The following MCM9 variants were observed in gnomAD, a reference collection of about 807,000 sequenced individuals.
The protein encoded by MCM9 is minichromosome maintenance 9 homologous recombination repair factor.
Under a neutral mutation model 72.8 loss-of-function variants are expected in MCM9, and 55 were observed. The ratio of observed to expected loss-of-function variants is 0.76; its 90% CI spans 0.61 to 0.95. The LOEUF (loss-of-function observed/expected upper bound fraction) is 0.95, where lower values mean the gene tolerates loss of function less well. Among genes scored for constraint, MCM9 ranks in the 40% least tolerant of loss-of-function variants. The pLI is 0.00. For missense variants in MCM9, 1,279 were observed against 1,377.0 expected (o/e 0.93, Z 1.13); for synonymous variants, 480 against 503.4 (o/e 0.95, Z 0.62).
At chr6:118,836,539 T>G (rs1458936920) in intron 9 of MCM9, among the ~76,000 whole-genome samples, 1 of 152,250 alleles carries the variant, frequency 6.6e-6, no homozygotes, top group African/African-American at 2.4e-5. Flanking sequence ...TATTGGTCTA[T>G]TCAGGTATTC....
intron 8 of MCM9, among the ~76,000 whole-genome samples, chr6:118,864,940 G>A (rs926433057): frequency 3.9e-5 from 6 of 151,952 alleles, no homozygotes; most frequent in African/African-American, 1.5e-4. Flanking sequence ...CTACATGCCT[G>A]CTTGTCTTCT....
intron 8 of MCM9, among the ~76,000 whole-genome samples, chr6:118,867,871 T>C (rs1179746873): frequency 4.4e-5 from 3 of 67,546 alleles, no homozygotes; most frequent in South Asian, 7.3e-4. Context: ...TATTTCTTTT[T>C]TCTTTTTCTT....
chr6:118,860,635 A>G (rs1776841613), intron 8 of MCM9, among the ~76,000 whole-genome samples: 2 of 152,172 alleles, frequency 1.3e-5, no homozygotes, highest in Admixed American at 1.3e-4. Context: ...TGAATGCCCA[A>G]GAAAACCCTA....
chr6:118,863,042 G>A (rs1313179313), intron 8 of MCM9, among the ~76,000 whole-genome samples: 1 of 152,122 alleles, frequency 6.6e-6, no homozygotes, highest in Admixed American at 6.5e-5. Context: ...GATCTATACA[G>A]AGAAAAGTAG....
intron 9 of MCM9, among the ~76,000 whole-genome samples, chr6:118,848,994 G>A (rs529049511): frequency 6.6e-6 from 1 of 151,450 alleles, no homozygotes; most frequent in South Asian, 2.1e-4. Context: ...TAAAACCGTT[G>A]ACACCAAGCA....
At position 118,931,531 on chromosome 6, in the gene MCM9, C is replaced by G; in HGVS notation, c.193G>C (p.Val65Leu). Residue 65 changes from valine to leucine, a missense_variant, in exon 3 of 14, where the codon GTG becomes CTG. Coordinates refer to ENST00000619706, the MANE Select transcript of MCM9 (RefSeq NM_017696.3). ...AGTGCACTATCAAAAATTGTAAGCA[C>G]TTCACTGGGGAACATGTTGAAATAT... ...GEYFNMFPSEVLTIFDSALRR... is the reference protein window; with the variant it reads ...GEYFNMFPSELLTIFDSALRR... 2 of 1,614,144 alleles carry G rather than the reference C, an allele frequency of 1.2e-6. No homozygotes were observed. Among genetic ancestry groups the G allele is most frequent in the Non-Finnish European group, 1.7e-6 (2 of 1,180,022 alleles).
At chr6:118,911,402 A>C in intron 8 of MCM9, 1 of 1,218,960 alleles carries the variant, frequency 8.2e-7, no homozygotes, top group Non-Finnish European at 1.0e-6. Flanking sequence ...TAAAAGTATG[A>C]AGGTAATCAC....
chr6:118,902,415 A>G (rs1023486323), intron 8 of MCM9, among the ~76,000 whole-genome samples: 3 of 152,216 alleles, frequency 2.0e-5, no homozygotes, highest in South Asian at 2.1e-4. Flanking sequence ...ACTTCTTGAA[A>G]TTGTTATATA....
intron 3 of MCM9, among the ~76,000 whole-genome samples, chr6:118,928,703 A>G (rs1006222095): frequency 6.7e-6 from 1 of 149,202 alleles, no homozygotes; most frequent in African/African-American, 2.5e-5. Flanking sequence ...AAAAATTTAA[A>G]TAGCTGAGTG....
intron 3 of MCM9, among the ~76,000 whole-genome samples, chr6:118,930,033 G>T (rs1052418172): frequency 2.0e-5 from 3 of 152,016 alleles, no homozygotes; most frequent in Admixed American, 2.0e-4. Context: ...AATTCAGGAA[G>T]CATTCTTATT....
At chr6:118,899,404 C>G (rs567299017) in intron 8 of MCM9, among the ~76,000 whole-genome samples, 3 of 152,236 alleles carry the variant, frequency 2.0e-5, no homozygotes, top group African/African-American at 7.2e-5. Flanking sequence ...CAGCCCTAGC[C>G]TCCTTGCTTT....
intron 8 of MCM9, 46 bp from the exon 9 acceptor site, chr6:118,856,591 T>C: frequency 6.5e-7 from 1 of 1,528,460 alleles, no homozygotes; most frequent in Non-Finnish European, 8.8e-7. Context: ...TCAAAAGCAT[T>C]ATCTTGACTG....
chr6:118,911,857 G>T, intron 7 of MCM9, 88 bp from the exon 8 acceptor site: 1 of 978,748 alleles, frequency 1.0e-6, no homozygotes, highest in Non-Finnish European at 1.5e-6. Context: ...TGTTTTTACT[G>T]TGTACTTTTA....
At chr6:118,886,343 A>C (rs1046295578) in intron 8 of MCM9, among the ~76,000 whole-genome samples, 4 of 152,092 alleles carry the variant, frequency 2.6e-5, no homozygotes, top group Admixed American at 6.5e-5. Context: ...AATTGGGCCA[A>C]AAAGAAAAAA....
At chr6:118,890,033 C>T (rs1476937033) in intron 8 of MCM9, among the ~76,000 whole-genome samples, 1 of 152,196 alleles carries the variant, frequency 6.6e-6, no homozygotes, top group African/African-American at 2.4e-5. Context: ...ATCCCCCACA[C>T]CTTCCAAGGG....
chr6:118,863,386 CATATAA>C (rs1777023697), intron 8 of MCM9, among the ~76,000 whole-genome samples: 4 of 151,982 alleles, frequency 2.6e-5, no homozygotes, highest in Admixed American at 2.6e-4. Context: ...TTTAAAAAGG[CATATAA>C]TTGATATGCT....
Position 118,815,094 on chromosome 6 carries a change from T to C in MCM9, c.3162A>G (p.Thr1054=), listed in dbSNP as rs1418635399. ...SNKSGKVHAC[T]LARLANFCFT... ...AGCAGAAGTTTGCCAATCTGGCTAA[T>C]GTGCAGGCATGAACCTTGCCGCTTT... The change falls in exon 14 of 14, where the codon ACA becomes ACG. Residue 1054 remains threonine, a synonymous_variant. Coordinates refer to ENST00000619706, the MANE Select transcript of MCM9 (RefSeq NM_017696.3). The C allele has an allele frequency of 1.3e-6, 2 of 1,550,914 alleles. No individual in the cohort carries two copies. The highest frequency in any genetic ancestry group is 2.4e-5 in the East Asian group (1 of 40,908).
At position 118,814,153 on chromosome 6, in the gene MCM9, G is replaced by C. The variant is rs531191233; in HGVS notation, c.*671C>G. ...TCTGAAGTACAAAATGTTGGCTCAAGAAAGAAAGGACAACTCAGAAGGTCA... is the reference window on the plus strand; with the variant it reads ...TCTGAAGTACAAAATGTTGGCTCAACAAAGAAAGGACAACTCAGAAGGTCA... On this transcript the variant is annotated 3_prime_UTR_variant, in exon 14 of 14. Coordinates refer to ENST00000619706, the MANE Select transcript of MCM9 (RefSeq NM_017696.3). 4.8e-4 allele frequency: 73 copies of C among 152,246 alleles called. No homozygotes were observed. The highest frequency in any genetic ancestry group is 1.8e-3 in the African/African-American group (73 of 41,542). 9.4% of individuals were successfully genotyped at this position (152,246 alleles called of 1,614,324 possible).
chr6:118,891,953 T>C (rs1205749994), intron 8 of MCM9, among the ~76,000 whole-genome samples: 1 of 152,252 alleles, frequency 6.6e-6, no homozygotes, highest in Non-Finnish European at 1.5e-5. Context: ...GTGACCCATC[T>C]GTTGTACAAT....
Sources: allele counts gnomAD v4.1 joint callset (sites outside exome capture counted in the v4.1 genomes callset), GRCh38; gene constraint gnomAD v4.1.1; transcripts MANE v1.5; gene names NCBI Gene and HGNC (gene_info 2026-07-23, HGNC 2026-07-21).